Variants in ULK1 observed in about 807,000 individuals in gnomAD.
ULK1 encodes serine/threonine-protein kinase ULK1.
In ULK1, 48 loss-of-function variants were observed where a neutral mutation model predicts 117.5. The observed-to-expected ratio is 0.41, with a 90% CI of 0.32 to 0.52. ULK1 has a LOEUF of 0.52. Among genes scored for constraint, ULK1 ranks in the 20% least tolerant of loss-of-function variants. The pLI, the probability that ULK1 is intolerant of heterozygous loss-of-function variation, is 0.29. For synonymous variants in ULK1, 790 were observed against 637.8 expected (o/e 1.24, Z -3.60); for missense variants, 1,387 against 1,473.4 (o/e 0.94, Z 0.96).
chr12:131,906,331 C>T (rs542902795), intron 3 of ULK1, among the ~76,000 whole-genome samples: 2 of 152,254 alleles, frequency 1.3e-5, no homozygotes, highest in African/African-American at 4.8e-5. Flanking sequence ...CCTCATGATC[C>T]ACCCGCCTTG....
intron 4 of ULK1, 75 bp downstream of exon 4, chr12:131,906,999 G>A (rs1192955274): frequency 6.3e-7 from 1 of 1,593,118 alleles, no homozygotes; most frequent in African/African-American, 1.3e-5. Flanking sequence ...GAGGGACATG[G>A]CTGGGGGGAG....
At chr12:131,895,562 G>A in intron 1 of ULK1, 39 bp from the exon 2 acceptor site, 1 of 1,575,196 alleles carries the variant, frequency 6.3e-7, no homozygotes, top group Non-Finnish European at 8.7e-7. Flanking sequence ...GGCCTGCGAG[G>A]GGCAGCCCTG....
At chr12:131,900,395 G>A (rs1346480597) in intron 3 of ULK1, among the ~76,000 whole-genome samples, 9 of 152,218 alleles carry the variant, frequency 5.9e-5, no homozygotes, top group Non-Finnish European at 1.3e-4. Context: ...AAATGTGAGT[G>A]CCTGGGAAGT....
rs755019648 is a variant in ULK1, at chr12:131,921,213, C to T, written c.3075C>T (p.Ala1025=). 1.3e-5 allele frequency: 21 copies of T among 1,606,828 alleles called. No individual in the cohort carries two copies. The highest frequency in any genetic ancestry group is 1.6e-4 in the Middle Eastern group (1 of 6,084). Residue 1025 remains alanine (A), a synonymous_variant, in exon 27 of 28, where the codon GCC becomes GCT. Coordinates refer to ENST00000321867, the MANE Select transcript of ULK1 (RefSeq NM_003565.4). ...EGLQHMLSDQ[A]DIENVTKCKL... ...TGCAGCACATGCTCTCGGACCAGGC[C>T]GACATCGAGAACGTCACCAAGTGTG... is the stretch of plus-strand genomic sequence containing the variant.
rs1420910229 is a variant in ULK1 at position 131,922,939 on chromosome 12, C to T, written c.*1578C>T. On this transcript the variant is annotated 3_prime_UTR_variant, in exon 28 of 28. Transcript: ENST00000321867. Reference sequence around the variant, plus strand: ...CCTGGGAAGCTGGCACTGCGGGGATCTTGCCCGGTGTCCTGGTCCTCTTGC... The same window carrying T: ...CCTGGGAAGCTGGCACTGCGGGGATTTTGCCCGGTGTCCTGGTCCTCTTGC... The T allele has an allele frequency of 2.0e-5, 3 of 152,374 alleles. No homozygotes were observed. Among genetic ancestry groups the T allele is most frequent in the African/African-American group, 7.2e-5 (3 of 41,450 alleles). The allele number at this position is 152,374 out of a possible 1,614,324, so 9.4% of individuals were successfully genotyped here.
Position 131,919,294 on chromosome 12 carries a change from G to A in ULK1, c.2594G>A (p.Gly865Asp), listed in dbSNP as rs972371865. 69 of 1,596,754 alleles carry A rather than the reference G, an allele frequency of 4.3e-5. No individual in the cohort carries two copies. The highest frequency in any genetic ancestry group is 5.7e-5 in the Non-Finnish European group (67 of 1,174,938). ...GTCCTGGAGATCGCAGCCCTGAAGG[G>A]CAGCGCCAGTGAGGCGGCGGGGGGC... ...QHVLEIAALKGSASEAAGGPE... is the reference protein window; with the variant it reads ...QHVLEIAALKDSASEAAGGPE... The change falls in exon 24 of 28, where the codon GGC (glycine) becomes GAC (aspartate). Residue 865 changes from glycine to aspartate, a missense_variant. Physicochemically the swap from Gly to Asp is moderately conservative, Grantham distance 94. Coordinates refer to ENST00000321867, the MANE Select transcript of ULK1 (RefSeq NM_003565.4).
chr12:131,906,565 T>G (rs1467241284), intron 3 of ULK1: 2 of 363,414 alleles, frequency 5.5e-6, no homozygotes, highest in Non-Finnish European at 1.0e-5. Context: ...GAGAAGCTTC[T>G]ATGGCCTGAG....
chr12:131,920,193 C>G (rs1301017340), intron 26 of ULK1, 57 bp downstream of exon 26: 1 of 1,583,962 alleles, frequency 6.3e-7, no homozygotes, highest in Non-Finnish European at 8.6e-7. Flanking sequence ...GGCCCGCCGT[C>G]TCCACTGGGA....
chr12:131,916,906 G>C, intron 20 of ULK1, 47 bp from the exon 21 acceptor site: 1 of 1,542,580 alleles, frequency 6.5e-7, no homozygotes, highest in Non-Finnish European at 8.8e-7. Flanking sequence ...GGTCCAGTTA[G>C]GGTGGGGTGG....
chr12:131,920,989 G>A, intron 26 of ULK1, 111 bp from the exon 27 acceptor site: 1 of 1,414,840 alleles, frequency 7.1e-7, no homozygotes, highest in Non-Finnish European at 9.3e-7. Context: ...CCACGTCACT[G>A]CCCTGAGCGC....
Position 131,921,762 on chromosome 12 carries a change from T to A in ULK1, c.*401T>A. 5 of 525,604 alleles carry A rather than the reference T, an allele frequency of 9.5e-6. No individual in the cohort carries two copies. Among genetic ancestry groups the A allele is most frequent in the Non-Finnish European group, 1.8e-5 (5 of 272,176 alleles). 32.6% of individuals were successfully genotyped at this position (525,604 alleles called of 1,614,324 possible). Reference sequence around the variant, plus strand: ...GCAGGCACTGTGCCCAGGAAGAGCCTGCGGCCTCGGCGTCCCCCAGTCTCC... The same window carrying A: ...GCAGGCACTGTGCCCAGGAAGAGCCAGCGGCCTCGGCGTCCCCCAGTCTCC... On this transcript the variant is annotated 3_prime_UTR_variant, in exon 28 of 28. Coordinates refer to ENST00000321867, the MANE Select transcript of ULK1 (RefSeq NM_003565.4).
chr12:131,921,354 G>A lies in ULK1; in HGVS notation c.3146G>A (p.Cys1049Tyr). The change falls in exon 28 of 28, where the codon TGT becomes TAT. Residue 1049 changes from cysteine to tyrosine, a missense_variant. By Grantham distance (194) the Cys-to-Tyr change is radical. Transcript: ENST00000321867. ...RRLSALLTGI[C>Y]A Reference sequence around the variant, plus strand: ...CTCTCGGCGCTGCTGACTGGCATCTGTGCCTGACCTTTCTGGCCTGGCTGG... The same window carrying A: ...CTCTCGGCGCTGCTGACTGGCATCTATGCCTGACCTTTCTGGCCTGGCTGG... 3 of 1,604,164 alleles carry A rather than the reference G, an allele frequency of 1.9e-6. No homozygotes were observed. Among genetic ancestry groups the A allele is most frequent in the Non-Finnish European group, 2.5e-6 (3 of 1,179,934 alleles).
At position 131,916,374 on chromosome 12, in the gene ULK1, T is replaced by C. The variant is rs1408239498; in HGVS notation, c.1879-24T>C. The C allele has an allele frequency of 5.8e-6, 9 of 1,545,502 alleles. No homozygotes were observed. In the South Asian group the frequency reaches 9.8e-5, roughly 17 times the overall value. On this transcript the variant is annotated intron_variant, in intron 19 of 27. Transcript: ENST00000321867. ...AGGGCTGCAGACCTGCGGGGCAGTC[T>C]TCACCCCATCTCTGTCCTCCTAGGC... is the stretch of plus-strand genomic sequence containing the variant.
intron 3 of ULK1, among the ~76,000 whole-genome samples, chr12:131,905,834 C>T (rs557818771): frequency 1.1e-4 from 16 of 152,188 alleles, no homozygotes; most frequent in South Asian, 6.2e-4. Context: ...GTGTCTGCAC[C>T]GGTGGCTTAC....
intron 21 of ULK1, 147 bp from the exon 22 acceptor site, chr12:131,917,264 C>G (rs138939983): frequency 2.9e-5 from 3 of 102,810 alleles, no homozygotes; most frequent in East Asian, 4.4e-4. Context: ...GGCTGTGGGA[C>G]GGGGGTCGGG....
Position 131,912,098 on chromosome 12 carries a change from G to A in ULK1, c.1096+9G>A. ...CCCCGCGCAGTTTCCAGGTCAGGGG[G>A]CACGCTGGGCTTGGAGGTGACGCCT... is the stretch of plus-strand genomic sequence containing the variant. On this transcript the variant is annotated intron_variant, in intron 13 of 27. Transcript: ENST00000321867. 2 of 1,609,020 alleles carry A rather than the reference G, an allele frequency of 1.2e-6. No homozygotes were observed. The highest frequency in any genetic ancestry group is 1.7e-6 in the Non-Finnish European group (2 of 1,177,852).
At position 131,922,441 on chromosome 12, in the gene ULK1, GTCC is replaced by G; in HGVS notation, c.*1081_*1083del. On this transcript the variant is annotated 3_prime_UTR_variant, in exon 28 of 28. Coordinates refer to ENST00000321867, the MANE Select transcript of ULK1 (RefSeq NM_003565.4). ...AAAGTAACATGTGCAAAAGCTCCCC[GTCC>G]AGCTTTGACAGTCAGTTTTGATGTC... 6 of 187,454 alleles carry G rather than the reference GTCC, an allele frequency of 3.2e-5. No homozygotes were observed. The highest frequency in any genetic ancestry group is 1.7e-4 in the South Asian group (2 of 11,600). The allele number at this position is 187,454 out of a possible 1,614,324, so 11.6% of individuals were successfully genotyped here.
intron 23 of ULK1, 148 bp downstream of exon 23, chr12:131,918,829 G>A (rs1889998361): frequency 1.6e-5 from 1 of 62,444 alleles, no homozygotes; most frequent in Admixed American, 2.5e-4. Context: ...TGTAGAGTGT[G>A]TGGGGTGTGG....
chr12:131,921,009 A>AC, intron 26 of ULK1, 91 bp from the exon 27 acceptor site: 1 of 1,456,038 alleles, frequency 6.9e-7, no homozygotes, highest in Non-Finnish European at 9.1e-7. Flanking sequence ...CCTATCTGCC[A>AC]CCCCTGGGCC....
Sources: allele counts gnomAD v4.1 joint callset (sites outside exome capture counted in the v4.1 genomes callset), GRCh38; gene constraint gnomAD v4.1.1; transcripts MANE v1.5; gene names NCBI Gene and HGNC (gene_info 2026-07-23, HGNC 2026-07-21).